Variants in LAMA1 observed in about 807,000 individuals in gnomAD.
LAMA1 encodes laminin subunit alpha 1.
In LAMA1, 219 loss-of-function variants were observed where a neutral mutation model predicts 348.7. That is an observed-to-expected ratio of 0.63 (90% CI 0.56 to 0.70). The LOEUF is 0.70. Ranked by LOEUF, LAMA1 falls within the 30% of genes least tolerant of loss-of-function variation. The pLI, the probability that LAMA1 is intolerant of heterozygous loss-of-function variation, is 0.00. For synonymous variants in LAMA1, 1,487 were observed against 1,491.0 expected (o/e 1.00, Z 0.06); for missense variants, 3,744 against 3,888.0 (o/e 0.96, Z 0.99).
intron 57 of LAMA1, among the ~76,000 whole-genome samples, chr18:6,953,046 C>T: frequency 6.9e-6 from 1 of 145,246 alleles, no homozygotes. Flanking sequence ...GCCATGTCTG[C>T]CTGTGTCCGG....
chr18:7,101,722 T>C (rs541607980), intron 1 of LAMA1, among the ~76,000 whole-genome samples: 4 of 152,302 alleles, frequency 2.6e-5, no homozygotes, highest in East Asian at 1.9e-4. Context: ...GGCTAGAATA[T>C]AGTGGTGCAA....
At chr18:6,979,012 T>C (rs537573049) in intron 42 of LAMA1, among the ~76,000 whole-genome samples, 13 of 152,318 alleles carry the variant, frequency 8.5e-5, no homozygotes, top group African/African-American at 2.6e-4. Flanking sequence ...CTATCATTCA[T>C]TTTCGAAGCA....
intron 1 of LAMA1, among the ~76,000 whole-genome samples, chr18:7,081,798 C>T (rs1264597858): frequency 6.6e-6 from 1 of 152,028 alleles, no homozygotes; most frequent in Non-Finnish European, 1.5e-5. Flanking sequence ...AGCTTAGTGG[C>T]GTTTCTCTAA....
intron 47 of LAMA1, 133 bp from the exon 48 acceptor site, chr18:6,972,114 A>G (rs1235658962): frequency 2.0e-6 from 2 of 1,012,598 alleles, no homozygotes; most frequent in Admixed American, 3.9e-5. Context: ...CACATTAGAA[A>G]AAAGCCAGTT....
intron 19 of LAMA1, among the ~76,000 whole-genome samples, chr18:7,022,633 A>G (rs1034109942): frequency 6.6e-6 from 1 of 152,198 alleles, no homozygotes; most frequent in African/African-American, 2.4e-5. Context: ...GTGCAGGAGA[A>G]TCTAGTTTTC....
Position 7,117,674 on chromosome 18 carries a change from T to C in LAMA1, c.47A>G (p.Gln16Arg). ...LLVLLLCVAA[Q>R]CRQRGLFPAI... ...GCCGGGCTCACCTCTCTGCCGGCAC[T>C]GCGCGGCGACACACAGCAGCAAGAC... Residue 16 changes from glutamine (Q) to arginine (R), a missense_variant, in exon 1 of 63, where the codon CAG becomes CGG. By Grantham distance (43) the Gln-to-Arg change is conservative. Around this residue, in one of 3 missense-constraint regions of LAMA1, gnomAD observed 1,529 missense variants for 1,689.4 expected, o/e 0.91. Coordinates refer to ENST00000389658, the MANE Select transcript of LAMA1 (RefSeq NM_005559.4). 18 of 1,597,884 alleles carry C rather than the reference T, an allele frequency of 1.1e-5. No individual in the cohort carries two copies. Among genetic ancestry groups the C allele is most frequent in the Non-Finnish European group, 1.5e-5 (18 of 1,178,494 alleles).
chr18:6,962,588 TAGTG>T (rs1488926974), intron 51 of LAMA1, among the ~76,000 whole-genome samples: 3 of 152,304 alleles, frequency 2.0e-5, no homozygotes, highest in African/African-American at 7.2e-5. Flanking sequence ...GGATCAAACT[TAGTG>T]AGTTTGGCTA....
In LAMA1 at chr18:6,976,028, T is replaced by C. The variant is rs773241885; in HGVS notation, c.6398A>G (p.Gln2133Arg). The change falls in exon 45 of 63, where the codon CAG (glutamine) becomes CGG (arginine). Residue 2133 changes from glutamine (Q) to arginine (R), a missense_variant. Gln to Arg is a conservative substitution (Grantham distance 43). This residue lies in a region of LAMA1 where 1,983 missense variants were observed against 1,934.3 expected (regional missense o/e 1.03). Coordinates refer to ENST00000389658, the MANE Select transcript of LAMA1 (RefSeq NM_005559.4). ...GGTATTGTAGTTGGTAGAGGAAATC[T>C]GAGGCTGGTAGGCCCGGATGCAATC... ...DRDCIRAYQPQISSTNYNTLT... is the reference protein window; with the variant it reads ...DRDCIRAYQPRISSTNYNTLT... The C allele has an allele frequency of 6.2e-7, 1 of 1,614,232 alleles. No individual in the cohort carries two copies. The highest frequency in any genetic ancestry group is 8.5e-7 in the Non-Finnish European group (1 of 1,180,054).
intron 5 of LAMA1, among the ~76,000 whole-genome samples, chr18:7,047,742 G>A (rs1302042070): frequency 6.6e-6 from 1 of 151,864 alleles, no homozygotes; most frequent in African/African-American, 2.4e-5. Flanking sequence ...ACAATAATAA[G>A]GTTGAATAGT....
intron 55 of LAMA1, chr18:6,957,211 G>A (rs893739395): frequency 7.3e-6 from 2 of 274,638 alleles, no homozygotes; most frequent in Admixed American, 4.8e-5. Flanking sequence ...TCACTCTGCA[G>A]CTCCTGTGCT....
chr18:6,981,770 G>C (rs970836680), intron 41 of LAMA1, among the ~76,000 whole-genome samples: 1 of 152,172 alleles, frequency 6.6e-6, no homozygotes, highest in South Asian at 2.1e-4. Flanking sequence ...CACCTGTAAA[G>C]GGTATGAGCT....
chr18:6,976,097 A>G lies in LAMA1; in HGVS notation c.6346-17T>C, dbSNP rs1370227107. On this transcript the variant is annotated splice_polypyrimidine_tract_variant and intron_variant, in intron 44 of 62. Coordinates refer to ENST00000389658, the MANE Select transcript of LAMA1 (RefSeq NM_005559.4). ...GACTTTAATCTGTAGAAGGAAAATG[A>G]AAGTGTCCCCATCATTTAGTGACAC... The G allele has an allele frequency of 7.4e-6, 12 of 1,613,856 alleles. No homozygotes were observed. The highest frequency in any genetic ancestry group is 1.0e-5 in the Non-Finnish European group (12 of 1,179,876).
intron 1 of LAMA1, among the ~76,000 whole-genome samples, chr18:7,104,110 C>T (rs1360802751): frequency 6.6e-6 from 1 of 152,028 alleles, no homozygotes; most frequent in Non-Finnish European, 1.5e-5. Context: ...TCCTGAGTAG[C>T]TGGGATTACA....
chr18:7,043,258 G>T lies in LAMA1; in HGVS notation c.1124C>A (p.Thr375Asn), dbSNP rs1471105868. 5.6e-6 allele frequency: 9 copies of T among 1,613,932 alleles called. No homozygotes were observed. Among genetic ancestry groups the T allele is most frequent in the Non-Finnish European group, 6.8e-6 (8 of 1,180,014 alleles). ...LQNTMGINCE[T>N]CIDGYYRPHK... ...TGGTCTATAATATCCATCAATACAGGTTTCACAGTTGATTCCCATGGTGTT... is the reference window on the plus strand; with the variant it reads ...TGGTCTATAATATCCATCAATACAGTTTTCACAGTTGATTCCCATGGTGTT... Residue 375 changes from threonine to asparagine, a missense_variant, in exon 8 of 63, where the codon ACC becomes AAC. Transcript: ENST00000389658.
chr18:7,036,627 T>A (rs1363269318), intron 12 of LAMA1, among the ~76,000 whole-genome samples: 2 of 151,950 alleles, frequency 1.3e-5, no homozygotes, highest in African/African-American at 4.8e-5. Flanking sequence ...ACCATAAAAT[T>A]GGAGAAGTGA....
chr18:6,998,301 A>G (rs553181322), intron 32 of LAMA1, among the ~76,000 whole-genome samples: 85 of 152,330 alleles, frequency 5.6e-4, no homozygotes, highest in African/African-American at 2.0e-3. Flanking sequence ...TATTGACTGT[A>G]ATGAAAGGCG....
In LAMA1 at chr18:6,961,699, A is replaced by T. The variant is rs1324509837; in HGVS notation, c.7513T>A (p.Ser2505Thr). 3 of 1,614,014 alleles carry T rather than the reference A, an allele frequency of 1.9e-6. No homozygotes were observed. The African/African-American group carries it at 4.0e-5, about 22-fold the overall frequency. ...GYIELPPKSL[S>T]PESEWLVTFA... ...GTTACCAGCCATTCTGATTCTGGTG[A>T]CAAAGATTTGGGTGGCAATTCAATG... Residue 2505 changes from serine (S) to threonine (T), a missense_variant, in exon 53 of 63, where the codon TCA (serine) becomes ACA (threonine). By Grantham distance (58) the Ser-to-Thr change is moderately conservative (BLOSUM62 1). Around this residue, in one of 3 missense-constraint regions of LAMA1, gnomAD observed 1,983 missense variants for 1,934.3 expected, o/e 1.03. Transcript: ENST00000389658.
In LAMA1 at chr18:7,036,059, G is replaced by A. The variant is rs2057993358; in HGVS notation, c.1767C>T (p.Tyr589=). The change falls in exon 13 of 63, where the codon TAC becomes TAT. Residue 589 remains tyrosine (Y), a synonymous_variant. Coordinates refer to ENST00000389658, the MANE Select transcript of LAMA1 (RefSeq NM_005559.4). ...CTACCGGAATATCGTAGGACACCGTGTATTTCAGGAATCCGCCAAACGCAG... is the reference window on the plus strand; with the variant it reads ...CTACCGGAATATCGTAGGACACCGTATATTTCAGGAATCCGCCAAACGCAG... The part of the protein sequence containing the change: ...KLTAFGGFLK[Y]TVSYDIPVET... 3.1e-6 allele frequency: 5 copies of A among 1,614,034 alleles called. No individual in the cohort carries two copies. Among genetic ancestry groups the A allele is most frequent in the Admixed American group, 1.7e-5 (1 of 60,000 alleles).
At chr18:6,955,022 T>A (rs1312492310) in intron 57 of LAMA1, 3 of 378,650 alleles carry the variant, frequency 7.9e-6, no homozygotes, top group Non-Finnish European at 1.0e-5. Flanking sequence ...TAGGGAATGC[T>A]TAAAGTGGAA....
Sources: allele counts gnomAD v4.1 joint callset (sites outside exome capture counted in the v4.1 genomes callset), GRCh38; gene constraint gnomAD v4.1.1; regional missense constraint gnomAD v4.1.1; transcripts MANE v1.5; gene names NCBI Gene and HGNC (gene_info 2026-07-23, HGNC 2026-07-21).